Variants in DPF3 observed in about 807,000 individuals in gnomAD.
The protein encoded by DPF3 is double PHD fingers 3, also known as zinc finger protein DPF3.
DPF3 carries 18 observed loss-of-function variants against 56.8 expected under a neutral mutation model. The ratio of observed to expected loss-of-function variants is 0.32; its 90% CI spans 0.22 to 0.47. The LOEUF is 0.47. DPF3 is among the 20% of genes least tolerant of loss of function. The pLI is 1.00. For synonymous variants in DPF3, 188 were observed against 180.2 expected, an observed-to-expected ratio of 1.04 and a Z score of -0.35; for missense variants, 403 against 488.8, an observed-to-expected ratio of 0.82 and a Z score of 1.65.
intron 1 of DPF3, chr14:72,892,633 G>T: frequency 8.7e-7 from 1 of 1,148,458 alleles, no homozygotes; most frequent in Non-Finnish European, 1.1e-6. Flanking sequence ...GGAGTGGCCA[G>T]GGGTGAAGAC....
intron 1 of DPF3, among the ~76,000 whole-genome samples, chr14:72,821,271 A>G (rs113688895): frequency 0.093 from 14,190 of 152,058 alleles, 807 homozygotes; most frequent in Admixed American, 0.18. Context: ...GCAACAGAGT[A>G]GGACTGTGTC....
chr14:72,837,457 G>A (rs1443504435), intron 1 of DPF3, among the ~76,000 whole-genome samples: 1 of 152,010 alleles, frequency 6.6e-6, no homozygotes, highest in Admixed American at 6.6e-5. Context: ...TAGGATCATG[G>A]CCAGGCGTGG....
rs914796594 is a variant in DPF3, at chr14:72,613,035, T to C, written c.*6262A>G. On this transcript the variant is annotated 3_prime_UTR_variant, in exon 11 of 11. Coordinates refer to ENST00000556509, the MANE Select transcript of DPF3 (RefSeq NM_001280542.3). The stretch of plus-strand genomic sequence containing the variant: ...GTGTGTGTGTGTGTGTGTGTGTATG[T>C]GCGTGCGTGCACGCACGCGCATGCA... 2.5e-4 allele frequency among the ~76,000 whole-genome samples: 38 copies of C among 150,862 alleles called. No individual in the cohort carries two copies. The highest frequency in any genetic ancestry group is 8.9e-4 in the African/African-American group (37 of 41,376).
At chr14:72,826,603 T>A (rs1883813208) in intron 1 of DPF3, among the ~76,000 whole-genome samples, 1 of 152,256 alleles carries the variant, frequency 6.6e-6, no homozygotes. Context: ...ACTTCATTCT[T>A]ATTCAGGAGC....
chr14:72,698,182 C>T (rs1038911393), intron 6 of DPF3, among the ~76,000 whole-genome samples: 1 of 152,224 alleles, frequency 6.6e-6, no homozygotes, highest in Admixed American at 6.5e-5. Context: ...CCGCAATTTA[C>T]AATGCTTTGA....
intron 1 of DPF3, among the ~76,000 whole-genome samples, chr14:72,885,121 G>A (rs1427922614): frequency 9.9e-5 from 14 of 141,286 alleles, no homozygotes; most frequent in East Asian, 6.7e-4. Context: ...GCGAGACTCC[G>A]TCTCAAAAAA....
At chr14:72,817,428 G>A (rs891907032) in intron 1 of DPF3, among the ~76,000 whole-genome samples, 7 of 152,134 alleles carry the variant, frequency 4.6e-5, no homozygotes, top group Admixed American at 6.5e-5. Flanking sequence ...AGGCCAAGGT[G>A]GGTGGATCAC....
intron 3 of DPF3, among the ~76,000 whole-genome samples, chr14:72,741,546 C>T (rs1046451530): frequency 3.3e-5 from 5 of 152,250 alleles, no homozygotes; most frequent in Non-Finnish European, 7.3e-5. Context: ...AAGCCAAGCT[C>T]AGCCACCCCA....
intron 8 of DPF3, among the ~76,000 whole-genome samples, chr14:72,634,947 A>C (rs1270501159): frequency 6.6e-6 from 1 of 152,204 alleles, no homozygotes; most frequent in Non-Finnish European, 1.5e-5. Context: ...GGATCATTAA[A>C]AACCTAGTCC....
At chr14:72,835,735 C>A (rs1011467434) in intron 1 of DPF3, among the ~76,000 whole-genome samples, 1 of 152,138 alleles carries the variant, frequency 6.6e-6, no homozygotes, top group African/African-American at 2.4e-5. Flanking sequence ...GCTCGGGCCG[C>A]CTCGCCCACT....
intron 5 of DPF3, among the ~76,000 whole-genome samples, chr14:72,721,944 G>A (rs1471133185): frequency 1.3e-5 from 2 of 152,098 alleles, no homozygotes; most frequent in Non-Finnish European, 2.9e-5. Flanking sequence ...AATGTGTGTG[G>A]TGGGGTGCAA....
intron 1 of DPF3, among the ~76,000 whole-genome samples, chr14:72,810,352 C>A (rs188866799): frequency 6.6e-6 from 1 of 152,232 alleles, no homozygotes; most frequent in Non-Finnish European, 1.5e-5. Context: ...CAAGGGCCTG[C>A]GGTCCAGGAC....
At chr14:72,735,226 G>A (rs914077214) in intron 3 of DPF3, among the ~76,000 whole-genome samples, 5 of 152,146 alleles carry the variant, frequency 3.3e-5, no homozygotes, top group East Asian at 1.9e-4. Flanking sequence ...ATAAAAGGCA[G>A]ATCTTTAACT....
In DPF3 at chr14:72,793,420, C is replaced by G. The variant is rs978134562; in HGVS notation, c.33-21527G>C. Among the ~76,000 whole-genome samples the G allele has an allele frequency of 2.6e-5, 4 of 152,224 alleles. No individual in the cohort carries two copies. In the South Asian group the frequency reaches 6.2e-4, roughly 24 times the overall value. The stretch of plus-strand genomic sequence containing the variant: ...TCTCCTCTTTCTCACAAAAGCAAGA[C>G]GTAAAAGAAAGTAAAAGGCAAAAAG... On this transcript the variant is annotated intron_variant, in intron 1 of 10. Transcript: ENST00000556509.
intron 1 of DPF3, among the ~76,000 whole-genome samples, chr14:72,820,135 G>T (rs1883468304): frequency 6.6e-6 from 1 of 152,102 alleles, no homozygotes; most frequent in Admixed American, 6.5e-5. Context: ...TTTTGAATGA[G>T]TACATTTTAT....
At chr14:72,630,658 C>G (rs1285275103) in intron 8 of DPF3, among the ~76,000 whole-genome samples, 1 of 152,158 alleles carries the variant, frequency 6.6e-6, no homozygotes, top group African/African-American at 2.4e-5. Context: ...GGAAGGATAA[C>G]TTGGATGACA....
In DPF3 at chr14:72,690,656, C is replaced by T. The variant is rs762668695; in HGVS notation, c.742+2420G>A. On this transcript the variant is annotated intron_variant, in intron 7 of 10. Coordinates refer to ENST00000556509, the MANE Select transcript of DPF3 (RefSeq NM_001280542.3). ...ACACGCACACACACGCATAGACACACACACACCCGGCTCATAATGAGGCTA... is the reference window on the plus strand; with the variant it reads ...ACACGCACACACACGCATAGACACATACACACCCGGCTCATAATGAGGCTA... Among the ~76,000 whole-genome samples, 20 of 151,952 alleles carry T rather than the reference C, an allele frequency of 1.3e-4. 1 individual carries two copies. The highest frequency in any genetic ancestry group is 2.4e-4 in the Non-Finnish European group (16 of 67,986).
chr14:72,741,922 C>G (rs1169090769), intron 3 of DPF3, among the ~76,000 whole-genome samples: 1 of 152,242 alleles, frequency 6.6e-6, no homozygotes, highest in African/African-American at 2.4e-5. Context: ...CTGTCCTGCC[C>G]ACTGCCTGCT....
chr14:72,834,867 A>G (rs1257493282), intron 1 of DPF3, among the ~76,000 whole-genome samples: 1 of 152,228 alleles, frequency 6.6e-6, no homozygotes, highest in Non-Finnish European at 1.5e-5. Context: ...ATTCAGCCAT[A>G]AAAAGGAAGG....
Sources: allele counts gnomAD v4.1 joint callset (sites outside exome capture counted in the v4.1 genomes callset), GRCh38; gene constraint gnomAD v4.1.1; transcripts MANE v1.5; gene names NCBI Gene and HGNC (gene_info 2026-07-23, HGNC 2026-07-21).